ZNRF3: variants seen among roughly 807,000 people sequenced by gnomAD.
The protein encoded by ZNRF3 is zinc and ring finger 3.
ZNRF3 carries 23 observed loss-of-function variants against 72.5 expected under a neutral mutation model. The observed-to-expected ratio is 0.32, with a 90% CI of 0.23 to 0.45. The LOEUF (loss-of-function observed/expected upper bound fraction) is 0.45. Among genes scored for constraint, ZNRF3 ranks in the 20% least tolerant of loss-of-function variants. The pLI is 1.00. For missense variants in ZNRF3, 1,169 were observed against 1,272.1 expected (o/e 0.92, Z 1.23); for synonymous variants, 610 against 545.3 (o/e 1.12, Z -1.65).
chr22:28,953,681 A>T lies in ZNRF3; in HGVS notation c.301-33395A>T, dbSNP rs117022800. Among the ~76,000 whole-genome samples the T allele has an allele frequency of 3.5e-4, 54 of 152,334 alleles. No homozygotes were observed. The East Asian group carries it at 0.01, about 28-fold the overall frequency. On this transcript the variant is annotated intron_variant, in intron 1 of 8. Coordinates refer to ENST00000544604, the MANE Select transcript of ZNRF3 (RefSeq NM_001206998.2). ...ATATATCCTGAAAGGATATTTCTCT[A>T]AGGCCAGTTAGGCATCAATCATTAA...
intron 1 of ZNRF3, among the ~76,000 whole-genome samples, chr22:28,898,847 T>C: frequency 6.6e-6 from 1 of 152,114 alleles, no homozygotes; most frequent in East Asian, 1.9e-4. Context: ...TTTGATTTTC[T>C]AGTCTTTATG....
intron 5 of ZNRF3, 111 bp downstream of exon 5, chr22:29,045,001 G>T: frequency 1.3e-6 from 1 of 761,786 alleles, no homozygotes; most frequent in Admixed American, 2.1e-5. Flanking sequence ...GAGCCTCACA[G>T]CTGTGGACTC....
intron 1 of ZNRF3, among the ~76,000 whole-genome samples, chr22:28,981,921 C>T (rs529000984): frequency 2.0e-5 from 3 of 152,166 alleles, no homozygotes; most frequent in East Asian, 1.9e-4. Context: ...TGCTTGAACC[C>T]GGGAAGCAGA....
At chr22:28,963,623 G>T (rs2035406093) in intron 1 of ZNRF3, among the ~76,000 whole-genome samples, 1 of 152,150 alleles carries the variant, frequency 6.6e-6, no homozygotes, top group Admixed American at 6.5e-5. Flanking sequence ...TACCTCTTGG[G>T]GGTTTTGGGA....
chr22:28,892,479 C>T (rs1601529054), intron 1 of ZNRF3, among the ~76,000 whole-genome samples: 1 of 152,186 alleles, frequency 6.6e-6, no homozygotes, highest in African/African-American at 2.4e-5. Flanking sequence ...GAGGTTAAAG[C>T]TGATAACCTC....
rs934637825 is a variant in ZNRF3 at position 28,991,870 on chromosome 22, C to T, written c.426+4669C>T. 7.2e-5 allele frequency among the ~76,000 whole-genome samples: 11 copies of T among 152,058 alleles called. No homozygotes were observed. The East Asian group carries it at 1.2e-3, about 16-fold the overall frequency. The stretch of plus-strand genomic sequence containing the variant: ...TAAAAATCAGATGCTCACCTGGGCA[C>T]GGTGGCTCACACCTATAATCTCAAC... On this transcript the variant is annotated intron_variant, in intron 2 of 8. Transcript: ENST00000544604.
At chr22:28,899,055 G>T (rs1232115869) in intron 1 of ZNRF3, among the ~76,000 whole-genome samples, 1 of 151,500 alleles carries the variant, frequency 6.6e-6, no homozygotes, top group Admixed American at 6.6e-5. Context: ...GGGTTTTCAG[G>T]CTGCCTTTTC....
chr22:29,003,790 C>A (rs1850980946), intron 2 of ZNRF3, among the ~76,000 whole-genome samples: 1 of 152,008 alleles, frequency 6.6e-6, no homozygotes, highest in Admixed American at 6.6e-5. Flanking sequence ...GGGTGGTGAT[C>A]CTGCTACTCC....
chr22:29,001,472 C>CTTTTTT lies in ZNRF3; in HGVS notation c.426+14283_426+14288dup, dbSNP rs750297109. Among the ~76,000 whole-genome samples the CTTTTTT allele has an allele frequency of 2.1e-4, 26 of 125,012 alleles. 1 individual carries two copies. The highest frequency in any genetic ancestry group is 1.2e-3 in the East Asian group (5 of 4,112). 82.0% of individuals were successfully genotyped at this position (125,012 alleles called of 152,430 possible). A position where few individuals can be genotyped will look rare whatever the true frequency, so the allele number is the denominator to read the frequency against. ...CCTTTGCAACCCAAGATTTTTTAAA[C>CTTTTTT]TTTTTTTTTTTTTTTTTGAGATGGA... On this transcript the variant is annotated intron_variant, in intron 2 of 8. Transcript: ENST00000544604.
chr22:29,019,592 C>T (rs1391707149), intron 2 of ZNRF3, among the ~76,000 whole-genome samples: 1 of 152,172 alleles, frequency 6.6e-6, no homozygotes, highest in Non-Finnish European at 1.5e-5. Context: ...CACAGGTCCC[C>T]TCTGTCAAAG....
chr22:28,974,915 G>A (rs557159465), intron 1 of ZNRF3, among the ~76,000 whole-genome samples: 1 of 152,304 alleles, frequency 6.6e-6, no homozygotes, highest in Non-Finnish European at 1.5e-5. Context: ...GAGATTACAG[G>A]CAGATATGAT....
intron 2 of ZNRF3, among the ~76,000 whole-genome samples, chr22:29,006,502 G>A (rs967593669): frequency 5.9e-5 from 9 of 152,114 alleles, no homozygotes; most frequent in Admixed American, 2.0e-4. Context: ...GTGAGCCACC[G>A]CACCTGGCCC....
chr22:28,917,268 A>AACAC (rs10533572), intron 1 of ZNRF3: 4,370 of 171,398 alleles, frequency 0.025, 100 homozygotes, highest in East Asian at 0.06. Flanking sequence ...TTGGGGATAA[A>AACAC]ACACACACAC....
chr22:29,003,470 C>T (rs940497070), intron 2 of ZNRF3, among the ~76,000 whole-genome samples: 4 of 149,342 alleles, frequency 2.7e-5, no homozygotes, highest in Non-Finnish European at 5.9e-5. Context: ...GCCGAGATCG[C>T]GCCACTGCAC....
At chr22:28,917,035 A>C (rs575962580) in intron 1 of ZNRF3, among the ~76,000 whole-genome samples, 74 of 152,254 alleles carry the variant, frequency 4.9e-4, no homozygotes, top group African/African-American at 1.8e-3. Context: ...TATTTATAGC[A>C]TACTTTTCAG....
intron 1 of ZNRF3, among the ~76,000 whole-genome samples, chr22:28,893,828 A>G (rs1303137906): frequency 6.6e-6 from 1 of 152,094 alleles, no homozygotes; most frequent in Non-Finnish European, 1.5e-5. Context: ...GATTTCTAGA[A>G]TTAGGTTCAC....
At chr22:29,022,203 T>G (rs1224894544) in intron 2 of ZNRF3, among the ~76,000 whole-genome samples, 1 of 152,246 alleles carries the variant, frequency 6.6e-6, no homozygotes, top group Non-Finnish European at 1.5e-5. Flanking sequence ...TTATTACTTT[T>G]TAAGAAAAGA....
At chr22:28,920,659 T>C (rs1209264763) in intron 1 of ZNRF3, among the ~76,000 whole-genome samples, 2 of 152,248 alleles carry the variant, frequency 1.3e-5, no homozygotes, top group Non-Finnish European at 2.9e-5. Context: ...TTATTTCTCA[T>C]TCTCTGTGTT....
intron 1 of ZNRF3, among the ~76,000 whole-genome samples, chr22:28,921,291 G>A (rs924363003): frequency 4.6e-5 from 7 of 152,080 alleles, no homozygotes; most frequent in Non-Finnish European, 1.0e-4. Context: ...GCTGCCAGAT[G>A]TGCTCCCCTT....
Sources: gnomAD v4.1 joint callset for allele counts (sites outside exome capture counted in the v4.1 genomes callset) on GRCh38, gnomAD v4.1.1 for gene constraint, MANE v1.5 for transcripts, NCBI Gene and HGNC (gene_info 2026-07-23, HGNC 2026-07-21) for gene names.